Variants in TIAM1 observed in about 807,000 individuals in gnomAD.
TIAM1 encodes rho guanine nucleotide exchange factor TIAM1.
A neutral mutation model predicts 163.5 loss-of-function variants in TIAM1; 65 were observed. The ratio of observed to expected loss-of-function variants is 0.40; its 90% CI spans 0.33 to 0.49. The LOEUF (loss-of-function observed/expected upper bound fraction) is 0.49. Among genes scored for constraint, TIAM1 ranks in the 20% least tolerant of loss-of-function variants. The pLI, the probability that TIAM1 is intolerant of heterozygous loss-of-function variation, is 0.77. For synonymous variants in TIAM1, 833 were observed against 810.1 expected (o/e 1.03, Z -0.48); for missense variants, 1,789 against 2,044.7 (o/e 0.87, Z 2.41).
intron 1 of TIAM1, among the ~76,000 whole-genome samples, chr21:31,496,690 G>A (rs1279525213): frequency 6.6e-6 from 1 of 151,920 alleles, no homozygotes; most frequent in Non-Finnish European, 1.5e-5. Flanking sequence ...AATGTCCTAG[G>A]CCTTTACATT....
intron 19 of TIAM1, among the ~76,000 whole-genome samples, chr21:31,151,065 T>C (rs552491928): frequency 1.3e-5 from 2 of 152,146 alleles, no homozygotes; most frequent in African/African-American, 2.4e-5. Flanking sequence ...TTAGAATAGC[T>C]AAAAAGAGAA....
At chr21:31,474,387 G>A (rs2045861976) in intron 1 of TIAM1, among the ~76,000 whole-genome samples, 1 of 152,178 alleles carries the variant, frequency 6.6e-6, no homozygotes, top group Non-Finnish European at 1.5e-5. Context: ...ATTTAGCCAT[G>A]TGACCATGGT....
intron 2 of TIAM1, among the ~76,000 whole-genome samples, chr21:31,454,788 C>A (rs1476462304): frequency 6.6e-6 from 1 of 152,178 alleles, no homozygotes; most frequent in Non-Finnish European, 1.5e-5. Context: ...GGAGCTGAAT[C>A]AGAATTGAAG....
At chr21:31,156,711 G>A (rs2083638257) in intron 16 of TIAM1, among the ~76,000 whole-genome samples, 1 of 152,140 alleles carries the variant, frequency 6.6e-6, no homozygotes, top group African/African-American at 2.4e-5. Flanking sequence ...TTATAACACA[G>A]TCATAATGAG....
intron 1 of TIAM1, among the ~76,000 whole-genome samples, chr21:31,543,261 C>T (rs1011837338): frequency 1.3e-5 from 2 of 152,202 alleles, no homozygotes; most frequent in Admixed American, 6.5e-5. Flanking sequence ...GTAAAATCCC[C>T]TTTTCACTTT....
At chr21:31,151,539 G>A (rs2146314094) in intron 19 of TIAM1, among the ~76,000 whole-genome samples, 1 of 152,220 alleles carries the variant, frequency 6.6e-6, no homozygotes, top group African/African-American at 2.4e-5. Flanking sequence ...AGGGAGCAGA[G>A]CATGGAGCAG....
At chr21:31,121,717 T>C (rs1170181677) in intron 27 of TIAM1, among the ~76,000 whole-genome samples, 4 of 152,114 alleles carry the variant, frequency 2.6e-5, no homozygotes, top group Admixed American at 2.6e-4. Context: ...CTGTATAAAG[T>C]GACTACCAGT....
intron 4 of TIAM1, among the ~76,000 whole-genome samples, chr21:31,255,080 CTG>C (rs920916709): frequency 1.5e-4 from 23 of 152,124 alleles, no homozygotes; most frequent in Non-Finnish European, 2.2e-4. Context: ...CATGACCAGA[CTG>C]TGTGTGTTCA....
intron 1 of TIAM1, among the ~76,000 whole-genome samples, chr21:31,552,156 C>G (rs1032536476): frequency 1.4e-5 from 2 of 143,288 alleles, no homozygotes; most frequent in Admixed American, 7.4e-5. Context: ...CTCCCAGGTT[C>G]AAGCAATTCT....
chr21:31,188,711 C>G (rs2085412743), intron 13 of TIAM1, among the ~76,000 whole-genome samples: 1 of 152,148 alleles, frequency 6.6e-6, no homozygotes, highest in Non-Finnish European at 1.5e-5. Flanking sequence ...AGACCTGGGA[C>G]TACATGTGAG....
intron 25 of TIAM1, 112 bp downstream of exon 25, chr21:31,130,095 GGAAAAA>G: frequency 7.0e-6 from 4 of 573,998 alleles, no homozygotes; most frequent in Admixed American, 3.4e-5. Context: ...TTAAGCATAG[GGAAAAA>G]AAAAAAAAAA....
chr21:31,371,713 T>C (rs1227072514), intron 2 of TIAM1, among the ~76,000 whole-genome samples: 1 of 152,210 alleles, frequency 6.6e-6, no homozygotes, highest in Non-Finnish European at 1.5e-5. Flanking sequence ...GGCACCTAAC[T>C]GATGTTCCTC....
At position 31,120,464 on chromosome 21, in the gene TIAM1, C is replaced by G. The variant is rs777228343; in HGVS notation, c.4680G>C (p.Ser1560=). ...MAQLKKQAAL[S]GINGGLESAS... is the part of the protein sequence containing the mutation. Reference sequence around the variant, plus strand: ...CGCTCTCCAGGCCTCCATTGATCCCCGACAGGGCAGCTTGCTTCTTGAGCT... The same window carrying G: ...CGCTCTCCAGGCCTCCATTGATCCCGGACAGGGCAGCTTGCTTCTTGAGCT... Residue 1560 remains serine, a synonymous_variant, in exon 28 of 28, where the codon TCG becomes TCC. Coordinates refer to ENST00000541036, the MANE Select transcript of TIAM1 (RefSeq NM_001353694.2). The surrounding 1 kb of genome is among the most constrained non-coding windows in gnomAD (Gnocchi z 4.2). 1.9e-6 allele frequency: 3 copies of G among 1,614,206 alleles called. No individual in the cohort carries two copies. Among genetic ancestry groups the G allele is most frequent in the South Asian group, 2.2e-5 (2 of 91,082 alleles).
intron 2 of TIAM1, among the ~76,000 whole-genome samples, chr21:31,454,776 G>C (rs1201688881): frequency 6.6e-6 from 1 of 152,186 alleles, no homozygotes; most frequent in Non-Finnish European, 1.5e-5. Flanking sequence ...AATGAACCTT[G>C]TGGAGCTGAA....
chr21:31,170,055 CAG>C (rs1287036243), intron 15 of TIAM1, among the ~76,000 whole-genome samples: 1 of 152,200 alleles, frequency 6.6e-6, no homozygotes, highest in East Asian at 1.9e-4. Flanking sequence ...TAAAAATACA[CAG>C]ATATTCTAAA....
intron 10 of TIAM1, 136 bp downstream of exon 10, chr21:31,213,262 A>T: frequency 1.5e-6 from 1 of 680,448 alleles, no homozygotes; most frequent in Non-Finnish European, 2.4e-6. Flanking sequence ...TTGACTTATT[A>T]CATAACTTTT....
intron 1 of TIAM1, among the ~76,000 whole-genome samples, chr21:31,555,886 C>A (rs1034840744): frequency 6.6e-6 from 1 of 152,100 alleles, no homozygotes; most frequent in Non-Finnish European, 1.5e-5. Flanking sequence ...TCAGTCGGCA[C>A]ACTAGAACTG....
chr21:31,524,516 C>A (rs752664111), intron 1 of TIAM1, among the ~76,000 whole-genome samples: 1 of 152,132 alleles, frequency 6.6e-6, no homozygotes, highest in Non-Finnish European at 1.5e-5. Context: ...AATCCCAGAA[C>A]CTGGACTCAA....
At chr21:31,226,997 C>CA (rs2088025708) in intron 6 of TIAM1, among the ~76,000 whole-genome samples, 1 of 140,966 alleles carries the variant, frequency 7.1e-6, no homozygotes, top group Non-Finnish European at 1.5e-5. Flanking sequence ...TGCTCTGTTG[C>CA]CCAGGCTGGA....
Sources: allele counts gnomAD v4.1 joint callset (sites outside exome capture counted in the v4.1 genomes callset), GRCh38; gene constraint gnomAD v4.1.1; non-coding constraint Gnocchi (gnomAD v3.1); transcripts MANE v1.5; gene names NCBI Gene and HGNC (gene_info 2026-07-23, HGNC 2026-07-21).